AMBRA1: variants seen among roughly 807,000 people sequenced by gnomAD.
AMBRA1 encodes the protein activating molecule in BECN1-regulated autophagy protein 1.
Under a neutral mutation model 125.4 loss-of-function variants are expected in AMBRA1, and 47 were observed. The ratio of observed to expected loss-of-function variants is 0.37; its 90% CI spans 0.30 to 0.48. The LOEUF (loss-of-function observed/expected upper bound fraction) is 0.48. AMBRA1 is among the 20% of genes least tolerant of loss of function. The pLI is 0.99. For missense variants in AMBRA1, 1,331 were observed against 1,693.4 expected (o/e 0.79, Z 3.76); for synonymous variants, 626 against 655.5 (o/e 0.95, Z 0.69).
At chr11:46,401,194 G>A (rs1453408308) in intron 17 of AMBRA1, among the ~76,000 whole-genome samples, 1 of 152,174 alleles carries the variant, frequency 6.6e-6, no homozygotes, top group Non-Finnish European at 1.5e-5. Context: ...TGGCTGGCCT[G>A]AGGCCTGCTG....
At chr11:46,552,610 G>A (rs1363724085) in intron 1 of AMBRA1, among the ~76,000 whole-genome samples, 3 of 150,706 alleles carry the variant, frequency 2.0e-5, no homozygotes, top group South Asian at 2.1e-4. Flanking sequence ...ACTTGAACCC[G>A]GGAGGCGGAG....
intron 12 of AMBRA1, among the ~76,000 whole-genome samples, chr11:46,436,997 T>C (rs1947750390): frequency 6.6e-6 from 1 of 152,240 alleles, no homozygotes; most frequent in African/African-American, 2.4e-5. Flanking sequence ...GTTGGGTATG[T>C]TATTAAAGTA....
intron 1 of AMBRA1, among the ~76,000 whole-genome samples, chr11:46,583,047 A>T (rs1374811692): frequency 6.6e-6 from 1 of 152,182 alleles, no homozygotes; most frequent in Non-Finnish European, 1.5e-5. Flanking sequence ...CGCCAAGTCA[A>T]TCCTAAGCCA....
chr11:46,532,458 ATGT>A (rs1429682397), intron 7 of AMBRA1, among the ~76,000 whole-genome samples: 8 of 152,164 alleles, frequency 5.3e-5, no homozygotes, highest in Admixed American at 2.0e-4. Context: ...TTCTTTTGAG[ATGT>A]TGTTTCTCTC....
intron 9 of AMBRA1, among the ~76,000 whole-genome samples, chr11:46,499,474 A>T (rs1950751650): frequency 6.6e-6 from 1 of 152,210 alleles, no homozygotes; most frequent in Non-Finnish European, 1.5e-5. Flanking sequence ...AAGCAATATT[A>T]CACGTTTTTA....
chr11:46,590,871 C>CCA (rs2044571283), intron 1 of AMBRA1, among the ~76,000 whole-genome samples: 3 of 151,208 alleles, frequency 2.0e-5, no homozygotes, highest in Non-Finnish European at 2.9e-5. Flanking sequence ...TGAGATCGTG[C>CCA]CACTGCACTC....
chr11:46,592,368 A>G (rs1344706100), intron 1 of AMBRA1, among the ~76,000 whole-genome samples: 1 of 152,190 alleles, frequency 6.6e-6, no homozygotes, highest in African/African-American at 2.4e-5. Context: ...GGAGTTCCCA[A>G]AGCGTTAACC....
chr11:46,512,922 C>A, intron 7 of AMBRA1, 109 bp from the exon 8 acceptor site: 1 of 927,838 alleles, frequency 1.1e-6, no homozygotes, highest in Non-Finnish European at 1.6e-6. Context: ...TTGCAGCCAG[C>A]TAACGCCTGT....
chr11:46,550,094 C>G (rs991708878), intron 1 of AMBRA1, among the ~76,000 whole-genome samples: 30 of 152,214 alleles, frequency 2.0e-4, no homozygotes, highest in African/African-American at 7.0e-4. Flanking sequence ...GCTGGGATTA[C>G]AGGTGTGAGC....
chr11:46,401,531 G>A (rs1356072067), intron 17 of AMBRA1, among the ~76,000 whole-genome samples: 5 of 152,174 alleles, frequency 3.3e-5, no homozygotes, highest in Non-Finnish European at 5.9e-5. Context: ...ACCGCACCCA[G>A]CTCAGCTCTT....
intron 15 of AMBRA1, among the ~76,000 whole-genome samples, chr11:46,411,626 G>A (rs1282532043): frequency 2.0e-5 from 3 of 152,056 alleles, no homozygotes; most frequent in South Asian, 2.1e-4. Flanking sequence ...GTGCCACCAC[G>A]CCCGGCTAAT....
At chr11:46,444,295 C>T (rs1948169642) in intron 11 of AMBRA1, among the ~76,000 whole-genome samples, 1 of 152,140 alleles carries the variant, frequency 6.6e-6, no homozygotes, top group South Asian at 2.1e-4. Context: ...TCCTTGAATC[C>T]ACATTTGCTT....
chr11:46,512,755 C>G lies in AMBRA1; in HGVS notation c.2131G>C (p.Glu711Gln). The change falls in exon 8 of 18, where the codon GAG becomes CAG. Residue 711 changes from glutamate (E) to glutamine (Q), a missense_variant. Physicochemically the swap from Glu to Gln is conservative, Grantham distance 29 (BLOSUM62 2). Around this residue, in one of 4 missense-constraint regions of AMBRA1, gnomAD observed 689 missense variants for 776.5 expected, o/e 0.89. Coordinates refer to ENST00000683756, the MANE Select transcript of AMBRA1 (RefSeq NM_001387011.1). The stretch of plus-strand genomic sequence containing the variant: ...GCTGGGTCTGGGTAAATTGGGTGCT[C>G]TCTGGATCCTGCTCCATCATAACGG... ...LSRYDGAGSR[E>Q]HPIYPDPARL... 1 of 1,613,682 alleles carries G rather than the reference C, an allele frequency of 6.2e-7. No homozygotes were observed. Among genetic ancestry groups the G allele is most frequent in the Non-Finnish European group, 8.5e-7 (1 of 1,179,808 alleles).
At chr11:46,560,663 A>C (rs2043302253) in intron 1 of AMBRA1, among the ~76,000 whole-genome samples, 1 of 152,208 alleles carries the variant, frequency 6.6e-6, no homozygotes, top group Non-Finnish European at 1.5e-5. Flanking sequence ...CTAAAAACGG[A>C]AGGAAGAACA....
At chr11:46,498,573 A>T (rs1421491188) in intron 9 of AMBRA1, among the ~76,000 whole-genome samples, 1 of 152,238 alleles carries the variant, frequency 6.6e-6, no homozygotes, top group East Asian at 1.9e-4. Flanking sequence ...ATGTATTTCC[A>T]GAACAAGGGA....
chr11:46,556,949 C>A (rs1183354585), intron 1 of AMBRA1, among the ~76,000 whole-genome samples: 1 of 152,034 alleles, frequency 6.6e-6, no homozygotes, highest in Non-Finnish European at 1.5e-5. Flanking sequence ...CCAGCCTGAC[C>A]AACATGGAGA....
At position 46,418,157 on chromosome 11, in the gene AMBRA1, T is replaced by G. The variant is rs1255326153; in HGVS notation, c.2977-105A>C. ...AACAAATTAGAAGGAGGAAAGGAGG[T>G]GGTTAGGCTGGGAACAGGATGACTC... On this transcript the variant is annotated intron_variant, in intron 14 of 17. Coordinates refer to ENST00000683756, the MANE Select transcript of AMBRA1 (RefSeq NM_001387011.1). The G allele has an allele frequency of 8.5e-6, 9 of 1,056,878 alleles. No individual in the cohort carries two copies. In the East Asian group the frequency reaches 9.6e-5, roughly 11 times the overall value. The allele number at this position is 1,056,878 out of a possible 1,614,324, so 65.5% of individuals were successfully genotyped here.
At chr11:46,547,486 A>G (rs747561283) in intron 3 of AMBRA1, 190 bp from the exon 4 acceptor site, 13 of 598,950 alleles carry the variant, frequency 2.2e-5, no homozygotes, top group Non-Finnish European at 3.4e-5. Context: ...GCTTGTCCAC[A>G]CTGTCCCCAA....
chr11:46,466,378 A>C (rs1949324380), intron 11 of AMBRA1, among the ~76,000 whole-genome samples: 1 of 151,966 alleles, frequency 6.6e-6, no homozygotes, highest in African/African-American at 2.4e-5. Flanking sequence ...TGAGTATCTA[A>C]CGAGGAGACC....
Sources: allele counts gnomAD v4.1 joint callset (sites outside exome capture counted in the v4.1 genomes callset), GRCh38; gene constraint gnomAD v4.1.1; regional missense constraint gnomAD v4.1.1; transcripts MANE v1.5; gene names NCBI Gene and HGNC (gene_info 2026-07-23, HGNC 2026-07-21).